The following GAB2 variants were observed in gnomAD, a reference collection of about 807,000 sequenced individuals.
The protein encoded by GAB2 is GRB2-associated-binding protein 2.
A neutral mutation model predicts 65.5 loss-of-function variants in GAB2; 26 were observed. The ratio of observed to expected loss-of-function variants is 0.40; its 90% CI spans 0.29 to 0.55. The LOEUF is 0.55. Ranked by LOEUF, GAB2 falls within the 20% of genes least tolerant of loss-of-function variation. The probability of loss-of-function intolerance (pLI) is 0.53; values close to 1 mark genes in which losing one functional copy is unlikely to be tolerated. For synonymous variants in GAB2, 321 were observed against 329.6 expected (o/e 0.97, Z 0.28); for missense variants, 884 against 875.8 (o/e 1.01, Z -0.12).
chr11:78,370,725 A>ATATGTGTGTG lies in GAB2; in HGVS notation c.75+46920_75+46921insCACACACATA, dbSNP rs1554995540. Among the ~76,000 whole-genome samples the ATATGTGTGTG allele has an allele frequency of 4.9e-3, 731 of 148,890 alleles. 5 individuals carry two copies. Among genetic ancestry groups the ATATGTGTGTG allele is most frequent in the African/African-American group, 0.017 (698 of 40,322 alleles). On this transcript the variant is annotated intron_variant, in intron 1 of 9. Transcript: ENST00000361507. ...TATGTGTGTGTGCGTGTGTGTGTGTATGTGTGTGTGTGTGTGTGTGTAAGG... is the reference window on the plus strand; with the variant it reads ...TATGTGTGTGTGCGTGTGTGTGTGTATATGTGTGTGTGTGTGTGTGTGTGTGTGTGTAAGG...
At chr11:78,270,497 G>T (rs1171973361) in intron 2 of GAB2, among the ~76,000 whole-genome samples, 1 of 152,144 alleles carries the variant, frequency 6.6e-6, no homozygotes, top group East Asian at 1.9e-4. Context: ...GCCATAGACG[G>T]TAGTCAAAAG....
At chr11:78,355,680 T>TAAAAAA (rs67850407) in intron 1 of GAB2, among the ~76,000 whole-genome samples, 13 of 79,126 alleles carry the variant, frequency 1.6e-4, no homozygotes, top group South Asian at 6.9e-4. Context: ...CTGTCTCACT[T>TAAAAAA]AAAAAAAAAA....
At chr11:78,320,758 A>C (rs1591035850) in intron 1 of GAB2, among the ~76,000 whole-genome samples, 1 of 102,724 alleles carries the variant, frequency 9.7e-6, no homozygotes, top group Non-Finnish European at 1.9e-5. Context: ...GTAGAGATGG[A>C]GTTTTGTCAT....
At chr11:78,406,501 C>T (rs111837040) in intron 1 of GAB2, among the ~76,000 whole-genome samples, 5 of 152,218 alleles carry the variant, frequency 3.3e-5, no homozygotes, top group African/African-American at 4.8e-5. Flanking sequence ...CCTCAGCCTC[C>T]GAAGTAGCTG....
intron 1 of GAB2, among the ~76,000 whole-genome samples, chr11:78,377,405 A>G (rs1207808997): frequency 6.6e-6 from 1 of 152,086 alleles, no homozygotes; most frequent in Non-Finnish European, 1.5e-5. Context: ...CACTAATCCC[A>G]TCATGAGGGC....
intron 1 of GAB2, among the ~76,000 whole-genome samples, chr11:78,403,362 G>A (rs988459512): frequency 2.3e-4 from 35 of 152,258 alleles, no homozygotes; most frequent in South Asian, 8.3e-4. Context: ...AAATAATCTC[G>A]TCATTTAAAC....
At chr11:78,252,745 A>G (rs1345210619) in intron 2 of GAB2, among the ~76,000 whole-genome samples, 1 of 152,092 alleles carries the variant, frequency 6.6e-6, no homozygotes, top group African/African-American at 2.4e-5. Context: ...ACTCCCTGCT[A>G]TATATCCCTT....
intron 2 of GAB2, 198 bp downstream of exon 2, chr11:78,280,403 T>C: frequency 1.7e-6 from 1 of 596,148 alleles, no homozygotes. Context: ...CCCCAACACT[T>C]TTTTTTGGTT....
chr11:78,220,212 G>A, intron 9 of GAB2, 107 bp downstream of exon 9: 3 of 1,158,108 alleles, frequency 2.6e-6, no homozygotes, highest in South Asian at 1.4e-5. Flanking sequence ...TGGAGCAGGA[G>A]GGAGGCTGAG....
chr11:78,225,880 A>G (rs1030201946), intron 4 of GAB2, among the ~76,000 whole-genome samples: 1 of 152,242 alleles, frequency 6.6e-6, no homozygotes, highest in Non-Finnish European at 1.5e-5. Context: ...GCAAGATGCA[A>G]AATGAAAGGA....
chr11:78,235,342 T>C (rs1464655931), intron 3 of GAB2, among the ~76,000 whole-genome samples: 1 of 151,880 alleles, frequency 6.6e-6, no homozygotes, highest in Non-Finnish European at 1.5e-5. Context: ...TGAGTAGAGA[T>C]GGGGTTTCAC....
At chr11:78,416,663 T>C (rs1214660649) in intron 1 of GAB2, among the ~76,000 whole-genome samples, 3 of 151,700 alleles carry the variant, frequency 2.0e-5, no homozygotes, top group Admixed American at 6.6e-5. Context: ...CCAGCAACCT[T>C]ACCCCCACTT....
At chr11:78,353,202 A>G (rs1437492524) in intron 1 of GAB2, among the ~76,000 whole-genome samples, 1 of 152,144 alleles carries the variant, frequency 6.6e-6, no homozygotes, top group Non-Finnish European at 1.5e-5. Flanking sequence ...GCACTTTGGG[A>G]GGCTGAGGTG....
At chr11:78,316,786 A>G (rs1855616067) in intron 1 of GAB2, among the ~76,000 whole-genome samples, 1 of 152,250 alleles carries the variant, frequency 6.6e-6, no homozygotes, top group Non-Finnish European at 1.5e-5. Flanking sequence ...ACTTTTGGAT[A>G]CAGACCCCAA....
chr11:78,321,310 C>T (rs979722917), intron 1 of GAB2, among the ~76,000 whole-genome samples: 2 of 152,204 alleles, frequency 1.3e-5, no homozygotes, highest in Admixed American at 1.3e-4. Flanking sequence ...ATCTTCTATC[C>T]ATCCCTGGCT....
At chr11:78,309,962 G>T (rs1489979205) in intron 1 of GAB2, among the ~76,000 whole-genome samples, 1 of 145,412 alleles carries the variant, frequency 6.9e-6, no homozygotes, top group African/African-American at 2.8e-5. Flanking sequence ...GTGTGTGTGT[G>T]TGTGTGTGTG....
chr11:78,225,011 G>A (rs1333230950), intron 5 of GAB2, 97 bp downstream of exon 5: 15 of 743,606 alleles, frequency 2.0e-5, no homozygotes, highest in East Asian at 4.9e-5. Flanking sequence ...AGATGGAGAC[G>A]CCATCAATCT....
At chr11:78,395,293 A>G (rs1856882817) in intron 1 of GAB2, among the ~76,000 whole-genome samples, 1 of 152,354 alleles carries the variant, frequency 6.6e-6, no homozygotes, top group African/African-American at 2.4e-5. Flanking sequence ...GTCTCTACTA[A>G]AAGTACAAAA....
chr11:78,231,339 G>A, intron 3 of GAB2, among the ~76,000 whole-genome samples: 1 of 149,322 alleles, frequency 6.7e-6, no homozygotes, highest in Non-Finnish European at 1.5e-5. Context: ...CGTGTGTGGT[G>A]TGTGTGTGTG....
Sources: allele counts gnomAD v4.1 joint callset (sites outside exome capture counted in the v4.1 genomes callset), GRCh38; gene constraint gnomAD v4.1.1; transcripts MANE v1.5; gene names NCBI Gene and HGNC (gene_info 2026-07-23, HGNC 2026-07-21).